SPOCK3: variants seen among roughly 807,000 people sequenced by gnomAD.
SPOCK3 encodes the protein testican-3.
SPOCK3 carries 30 observed loss-of-function variants against 56.6 expected under a neutral mutation model. That is an observed-to-expected ratio of 0.53 (90% CI 0.40 to 0.72). The LOEUF is 0.72. Ranked by LOEUF, SPOCK3 falls within the 30% of genes least tolerant of loss-of-function variation. SPOCK3 has a pLI of 0.00. For synonymous variants in SPOCK3, 196 were observed against 183.3 expected (o/e 1.07, Z -0.56); for missense variants, 527 against 530.0 (o/e 0.99, Z 0.06).
chr4:166,846,924 T>C (rs1748115566), intron 6 of SPOCK3, among the ~76,000 whole-genome samples: 1 of 152,112 alleles, frequency 6.6e-6, no homozygotes, highest in South Asian at 2.1e-4. Context: ...TCCAAAAATG[T>C]GGTTAAATTA....
chr4:167,114,263 G>A, intron 2 of SPOCK3, among the ~76,000 whole-genome samples: 1 of 152,122 alleles, frequency 6.6e-6, no homozygotes. Flanking sequence ...GGAGAAGAGG[G>A]ACTCATGGAC....
chr4:167,224,023 A>G (rs977822066), intron 2 of SPOCK3, among the ~76,000 whole-genome samples: 3 of 152,138 alleles, frequency 2.0e-5, no homozygotes, highest in Non-Finnish European at 4.4e-5. Flanking sequence ...TATAAAATAC[A>G]GACTATTTGT....
intron 3 of SPOCK3, among the ~76,000 whole-genome samples, chr4:167,015,573 C>T (rs1051737824): frequency 2.0e-5 from 3 of 152,108 alleles, no homozygotes; most frequent in African/African-American, 4.8e-5. Flanking sequence ...TAACAATCAA[C>T]CTGGCAGGTA....
chr4:166,911,540 T>C (rs945710429), intron 5 of SPOCK3, among the ~76,000 whole-genome samples: 1 of 152,168 alleles, frequency 6.6e-6, no homozygotes, highest in Non-Finnish European at 1.5e-5. Flanking sequence ...TTTTTGTTTT[T>C]GTTTTTTGTT....
intron 6 of SPOCK3, among the ~76,000 whole-genome samples, chr4:166,878,673 A>G (rs897058702): frequency 1.3e-5 from 2 of 152,154 alleles, no homozygotes; most frequent in African/African-American, 4.8e-5. Flanking sequence ...ACATATCACC[A>G]AAATTATATA....
At chr4:167,133,335 A>AGGTTTCTCC (rs1375732670) in intron 2 of SPOCK3, among the ~76,000 whole-genome samples, 1 of 152,144 alleles carries the variant, frequency 6.6e-6, no homozygotes, top group Non-Finnish European at 1.5e-5. Context: ...GGCAAGGAAG[A>AGGTTTCTCC]GGTTTCTCCT....
intron 2 of SPOCK3, among the ~76,000 whole-genome samples, chr4:167,115,903 T>C (rs1483362495): frequency 6.6e-6 from 1 of 151,818 alleles, no homozygotes; most frequent in East Asian, 1.9e-4. Context: ...AAAATAAATA[T>C]CTCTAAACAA....
At chr4:167,145,751 G>A (rs930339469) in intron 2 of SPOCK3, among the ~76,000 whole-genome samples, 2 of 152,058 alleles carry the variant, frequency 1.3e-5, no homozygotes, top group South Asian at 4.1e-4. Context: ...TTACAGACAA[G>A]CAAATGCTGA....
At chr4:167,173,881 TA>T (rs1730725610) in intron 2 of SPOCK3, among the ~76,000 whole-genome samples, 1 of 152,082 alleles carries the variant, frequency 6.6e-6, no homozygotes, top group African/African-American at 2.4e-5. Context: ...TAGGGCCCTA[TA>T]GGCCTGAGGG....
Position 166,900,947 on chromosome 4 carries a change from C to T in SPOCK3, c.474+11673G>A, listed in dbSNP as rs12648340. Among the ~76,000 whole-genome samples, 403 of 152,222 alleles carry T rather than the reference C, an allele frequency of 2.6e-3. 9 individuals are homozygous for T. The East Asian group carries it at 0.06, about 23-fold the overall frequency. ...ATTCATGAGCTTTTGTTTTTCCATG[C>T]CACCCTGACATCTTTCCTCCCCAAG... On this transcript the variant is annotated intron_variant, in intron 5 of 10. Transcript: ENST00000357545.
chr4:166,844,189 C>G (rs1262223553), intron 6 of SPOCK3, among the ~76,000 whole-genome samples: 1 of 152,138 alleles, frequency 6.6e-6, no homozygotes, highest in Non-Finnish European at 1.5e-5. Flanking sequence ...CAAAAGGTAC[C>G]AGAATGGCTA....
chr4:167,205,513 ATATATTATATATATTAT>A (rs1734164387), intron 2 of SPOCK3, among the ~76,000 whole-genome samples: 1 of 54,564 alleles, frequency 1.8e-5, no homozygotes, highest in Non-Finnish European at 3.1e-5. Context: ...ATTATATAAT[ATATATTATATATATTAT>A]TATATAATAT....
At chr4:167,232,697 G>A (rs1008946424) in intron 2 of SPOCK3, among the ~76,000 whole-genome samples, 3 of 152,174 alleles carry the variant, frequency 2.0e-5, no homozygotes, top group Non-Finnish European at 4.4e-5. Flanking sequence ...GCAATAAAAT[G>A]ATGCTTAAGC....
intron 7 of SPOCK3, among the ~76,000 whole-genome samples, chr4:166,765,255 C>T (rs1170942953): frequency 1.3e-5 from 2 of 152,100 alleles, no homozygotes; most frequent in African/African-American, 4.8e-5. Flanking sequence ...ACATGAAGTC[C>T]TTGCCCATGC....
intron 2 of SPOCK3, among the ~76,000 whole-genome samples, chr4:167,113,898 A>T (rs10004531): frequency 1.3e-5 from 2 of 152,090 alleles, no homozygotes; most frequent in African/African-American, 2.4e-5. Context: ...TCTAAACCCA[A>T]TAAGAAGCCA....
chr4:166,992,541 T>TA (rs1000337053), intron 4 of SPOCK3, among the ~76,000 whole-genome samples: 2 of 152,170 alleles, frequency 1.3e-5, no homozygotes, highest in Admixed American at 6.6e-5. Flanking sequence ...GTTTTTCTTT[T>TA]ATATGAAAGG....
At chr4:166,897,032 T>A (rs1026064475) in intron 5 of SPOCK3, among the ~76,000 whole-genome samples, 2 of 152,176 alleles carry the variant, frequency 1.3e-5, no homozygotes, top group Non-Finnish European at 2.9e-5. Context: ...AAAATCTCAC[T>A]ATGTGCCGTT....
intron 5 of SPOCK3, among the ~76,000 whole-genome samples, chr4:166,900,546 T>C (rs1325786843): frequency 1.3e-5 from 2 of 152,170 alleles, no homozygotes; most frequent in Admixed American, 6.5e-5. Context: ...TGAGAATTTC[T>C]CTTTACTTTC....
intron 7 of SPOCK3, among the ~76,000 whole-genome samples, chr4:166,789,364 G>A (rs1741084460): frequency 6.6e-6 from 1 of 152,022 alleles, no homozygotes; most frequent in Non-Finnish European, 1.5e-5. Context: ...TGGAGGGAGA[G>A]GTTGCAATGA....
Sources: allele counts gnomAD v4.1 joint callset (sites outside exome capture counted in the v4.1 genomes callset), GRCh38; gene constraint gnomAD v4.1.1; transcripts MANE v1.5; gene names NCBI Gene and HGNC (gene_info 2026-07-23, HGNC 2026-07-21).